Variants in RIMS2 observed in about 807,000 individuals in gnomAD.
RIMS2 encodes the protein regulating synaptic membrane exocytosis 2.
Under a neutral mutation model 174.4 loss-of-function variants are expected in RIMS2, and 59 were observed. The ratio of observed to expected loss-of-function variants is 0.34; its 90% CI spans 0.27 to 0.42. The LOEUF is 0.42. Among genes scored for constraint, RIMS2 ranks in the 10% least tolerant of loss-of-function variants. The probability of loss-of-function intolerance (pLI) is 1.00; values close to 1 mark genes in which losing one functional copy is unlikely to be tolerated. For missense variants in RIMS2, 1,620 were observed against 1,666.3 expected (o/e 0.97, Z 0.48); for synonymous variants, 606 against 572.5 (o/e 1.06, Z -0.84).
chr8:103,622,406 C>G (rs1354472590), intron 1 of RIMS2, among the ~76,000 whole-genome samples: 1 of 151,796 alleles, frequency 6.6e-6, no homozygotes, highest in Non-Finnish European at 1.5e-5. Context: ...AAGACAAACA[C>G]AAAACACATA....
chr8:104,141,498 T>C (rs1322035945), intron 19 of RIMS2, among the ~76,000 whole-genome samples: 2 of 152,208 alleles, frequency 1.3e-5, no homozygotes, highest in African/African-American at 2.4e-5. Context: ...TTTGGAGACA[T>C]AATACTGAGC....
At chr8:103,821,443 C>T (rs936988147) in intron 3 of RIMS2, among the ~76,000 whole-genome samples, 12 of 151,706 alleles carry the variant, frequency 7.9e-5, no homozygotes, top group Admixed American at 6.6e-4. Flanking sequence ...AAAATCTCGG[C>T]CTTTATATGT....
chr8:103,662,423 G>A (rs961064713), intron 1 of RIMS2, among the ~76,000 whole-genome samples: 21 of 152,072 alleles, frequency 1.4e-4, no homozygotes, highest in Admixed American at 3.9e-4. Context: ...TTTATGTTTT[G>A]TGTGAAAAAC....
At chr8:104,005,645 A>G (rs2095547656) in intron 17 of RIMS2, among the ~76,000 whole-genome samples, 1 of 152,210 alleles carries the variant, frequency 6.6e-6, no homozygotes, top group Admixed American at 6.5e-5. Flanking sequence ...TTGATAGCCA[A>G]GAATCACAGA....
intron 19 of RIMS2, among the ~76,000 whole-genome samples, chr8:104,099,571 T>C (rs1288387141): frequency 6.6e-6 from 1 of 152,202 alleles, no homozygotes; most frequent in Admixed American, 6.5e-5. Flanking sequence ...CAGTGGTGTG[T>C]AGGTGCTATT....
intron 2 of RIMS2, among the ~76,000 whole-genome samples, chr8:103,753,617 G>T (rs949550550): frequency 3.9e-5 from 6 of 152,148 alleles, no homozygotes; most frequent in African/African-American, 1.2e-4. Context: ...CCTATTATTG[G>T]TCTATTCGGA....
At chr8:104,253,348 A>G (rs1027297712), downstream of RIMS2, 12 of 152,286 alleles carry the variant, frequency 7.9e-5, no homozygotes, top group African/African-American at 1.7e-4. Context: ...ACTGCTAAAA[A>G]TTGGGAACCC....
intron 19 of RIMS2, among the ~76,000 whole-genome samples, chr8:104,091,180 G>A (rs375544248): frequency 9.7e-4 from 147 of 151,878 alleles, no homozygotes; most frequent in African/African-American, 3.3e-3. Flanking sequence ...GAATTCAAAT[G>A]ATTCAGTCCC....
chr8:103,710,487 C>T (rs1397309090), intron 2 of RIMS2, among the ~76,000 whole-genome samples: 1 of 151,978 alleles, frequency 6.6e-6, no homozygotes, highest in Non-Finnish European at 1.5e-5. Flanking sequence ...TAAATAAAAG[C>T]CATATTTTTA....
chr8:104,065,380 G>GA (rs1383037450), intron 19 of RIMS2, among the ~76,000 whole-genome samples: 3 of 151,480 alleles, frequency 2.0e-5, no homozygotes, highest in Admixed American at 6.6e-5. Flanking sequence ...TTCCAAGGAA[G>GA]AAAAAAAAGA....
intron 3 of RIMS2, among the ~76,000 whole-genome samples, chr8:103,818,212 G>T (rs28362512): frequency 1.3e-5 from 2 of 151,958 alleles, no homozygotes; most frequent in African/African-American, 4.8e-5. Context: ...TTTACTGATA[G>T]TGTATGGAAA....
At chr8:103,751,051 T>A (rs1315562143) in intron 2 of RIMS2, among the ~76,000 whole-genome samples, 1 of 152,114 alleles carries the variant, frequency 6.6e-6, no homozygotes, top group East Asian at 1.9e-4. Flanking sequence ...TCTCTTCTCT[T>A]GTCTACTCCC....
intron 3 of RIMS2, among the ~76,000 whole-genome samples, chr8:103,883,046 G>A (rs1035593274): frequency 5.9e-5 from 9 of 151,544 alleles, no homozygotes; most frequent in Non-Finnish European, 1.0e-4. Context: ...TATCAATATT[G>A]TAAAATCATA....
At chr8:103,952,876 G>C (rs2085871948) in intron 14 of RIMS2, among the ~76,000 whole-genome samples, 1 of 152,126 alleles carries the variant, frequency 6.6e-6, no homozygotes, top group South Asian at 2.1e-4. Flanking sequence ...AAAAAGGTTA[G>C]ACGAATTGCT....
intron 19 of RIMS2, among the ~76,000 whole-genome samples, chr8:104,054,329 A>G (rs1234458967): frequency 2.0e-5 from 3 of 152,174 alleles, no homozygotes; most frequent in Non-Finnish European, 2.9e-5. Context: ...ATTCTTGTAC[A>G]CTTGACCAAT....
intron 3 of RIMS2, among the ~76,000 whole-genome samples, chr8:103,780,900 T>C (rs1029486344): frequency 2.0e-5 from 3 of 152,208 alleles, no homozygotes; most frequent in African/African-American, 7.2e-5. Context: ...AGATTCTTTT[T>C]AGTTTACCTG....
intron 16 of RIMS2, among the ~76,000 whole-genome samples, chr8:103,981,382 G>T (rs1012315029): frequency 2.6e-5 from 4 of 152,100 alleles, no homozygotes; most frequent in Non-Finnish European, 5.9e-5. Flanking sequence ...ATTGGGCTTG[G>T]GGCCAAGTCA....
intron 17 of RIMS2, among the ~76,000 whole-genome samples, chr8:104,005,938 C>T (rs973238249): frequency 1.1e-4 from 16 of 151,920 alleles, no homozygotes; most frequent in African/African-American, 1.7e-4. Flanking sequence ...CTATGTTCTA[C>T]GTAGACTGTT....
At chr8:103,910,237 T>C in intron 5 of RIMS2, 84 bp from the exon 8 acceptor site, 1 of 1,544,160 alleles carries the variant, frequency 6.5e-7, no homozygotes, top group Non-Finnish European at 8.8e-7. Context: ...TAATTTTCGT[T>C]ATCATTTCAC....
Sources: gnomAD v4.1 joint callset for allele counts (sites outside exome capture counted in the v4.1 genomes callset) on GRCh38, gnomAD v4.1.1 for gene constraint, MANE v1.5 for transcripts, NCBI Gene and HGNC (gene_info 2026-07-23, HGNC 2026-07-21) for gene names.